The following KCTD16 variants were observed in gnomAD, a reference collection of about 807,000 sequenced individuals.
KCTD16 encodes the protein BTB/POZ domain-containing protein KCTD16.
In KCTD16, 13 loss-of-function variants were observed where a neutral mutation model predicts 33.2. The ratio of observed to expected loss-of-function variants is 0.39; its 90% CI spans 0.25 to 0.62. KCTD16 has a LOEUF of 0.62. Ranked by LOEUF, KCTD16 falls within the 20% of genes least tolerant of loss-of-function variation. The pLI is 0.50. For missense variants in KCTD16, 441 were observed against 525.1 expected, an observed-to-expected ratio of 0.84 and a Z score of 1.57; for synonymous variants, 197 against 195.3, an observed-to-expected ratio of 1.01 and a Z score of -0.07.
chr5:144,369,973 G>A (rs1300938106), intron 3 of KCTD16, among the ~76,000 whole-genome samples: 1 of 152,104 alleles, frequency 6.6e-6, no homozygotes, highest in Non-Finnish European at 1.5e-5. Context: ...AAAATAGTAA[G>A]TAGATAATGA....
chr5:144,198,457 A>G (rs1027625377), intron 2 of KCTD16, among the ~76,000 whole-genome samples: 9 of 152,070 alleles, frequency 5.9e-5, no homozygotes, highest in Non-Finnish European at 1.2e-4. Flanking sequence ...AAACAATTCC[A>G]TTTTGCTCCT....
Sources: gnomAD v4.1 joint callset for allele counts (sites outside exome capture counted in the v4.1 genomes callset) on GRCh38, gnomAD v4.1.1 for gene constraint, MANE v1.5 for transcripts, NCBI Gene and HGNC (gene_info 2026-07-23, HGNC 2026-07-21) for gene names.